CARM1: variants seen among roughly 807,000 people sequenced by gnomAD.
CARM1 encodes the protein coactivator associated arginine methyltransferase 1, also known as histone-arginine methyltransferase CARM1.
CARM1 carries 14 observed loss-of-function variants against 72.7 expected under a neutral mutation model. That is an observed-to-expected ratio of 0.19 (90% CI 0.13 to 0.30). The LOEUF (loss-of-function observed/expected upper bound fraction) is 0.30. Ranked by LOEUF, CARM1 falls within the 10% of genes least tolerant of loss-of-function variation. CARM1 has a pLI of 1.00. For synonymous variants in CARM1, 333 were observed against 345.5 expected, an observed-to-expected ratio of 0.96 and a Z score of 0.40; for missense variants, 432 against 833.7, an observed-to-expected ratio of 0.52 and a Z score of 5.93.
At chr19:10,921,008 C>T (rs756951590) in intron 13 of CARM1, 42 bp from the exon 14 acceptor site, 3 of 1,611,004 alleles carry the variant, frequency 1.9e-6, no homozygotes, top group Non-Finnish European at 2.5e-6. Flanking sequence ...GCAGGCCTGG[C>T]CCCTCTGCCT....
chr19:10,880,472 T>A (rs1170610093), intron 1 of CARM1, among the ~76,000 whole-genome samples: 1 of 151,826 alleles, frequency 6.6e-6, no homozygotes. Flanking sequence ...TCAGCCTCTC[T>A]ACAGGCTGGG....
In CARM1 at chr19:10,873,504, A is replaced by G. The variant is rs1411731023; in HGVS notation, c.220+1582A>G. On this transcript the variant is annotated intron_variant, in intron 1 of 15. Transcript: ENST00000327064. Reference sequence around the variant, plus strand: ...CTCGGGAGGCAGAGGCAGGAGAATCACTTGAACCTGGGAGGCAGAGGTTGC... The same window carrying G: ...CTCGGGAGGCAGAGGCAGGAGAATCGCTTGAACCTGGGAGGCAGAGGTTGC... 2.7e-5 allele frequency among the ~76,000 whole-genome samples: 4 copies of G among 150,090 alleles called. No homozygotes were observed. The East Asian group carries it at 8.0e-4, about 30-fold the overall frequency.
In CARM1 at chr19:10,920,857, C is replaced by T; in HGVS notation, c.1448C>T (p.Pro483Leu). The change falls in exon 13 of 16, where the codon CCC becomes CTC. Residue 483 changes from proline (P) to leucine (L), a missense_variant. Physicochemically the swap from Pro to Leu is moderately conservative, Grantham distance 98 (BLOSUM62 -3). Transcript: ENST00000327064. This position sits in a 1 kb window ranked among gnomAD's most constrained non-coding sequence, Gnocchi z 5.3. ...AGATACACGGGCACAACGCCCTCAC[C>T]CCCACCCGGCTCCCACTACACATCT... The part of the protein sequence containing the change: ...FFRYTGTTPS[P>L]PPGSHYTSPS... The T allele has an allele frequency of 1.9e-6, 3 of 1,614,240 alleles. No homozygotes were observed. Among genetic ancestry groups the T allele is most frequent in the Non-Finnish European group, 2.5e-6 (3 of 1,180,024 alleles).
chr19:10,874,550 C>T (rs2073848499), intron 1 of CARM1, among the ~76,000 whole-genome samples: 1 of 151,778 alleles, frequency 6.6e-6, no homozygotes, highest in Non-Finnish European at 1.5e-5. Flanking sequence ...GTGCCACACC[C>T]AGCTAATCTT....
Position 10,921,882 on chromosome 19 carries a change from T to C in CARM1, c.*125T>C. The C allele has an allele frequency of 1.1e-6, 1 of 950,494 alleles. No homozygotes were observed. Among genetic ancestry groups the C allele is most frequent in the Non-Finnish European group, 1.6e-6 (1 of 639,788 alleles). 58.9% of individuals were successfully genotyped at this position (950,494 alleles called of 1,614,324 possible). Reference sequence around the variant, plus strand: ...CACCCGGTCACAGCTCTCTTTGCTATGGGAACTGGGACACTTTTTTACACG... The same window carrying C: ...CACCCGGTCACAGCTCTCTTTGCTACGGGAACTGGGACACTTTTTTACACG... On this transcript the variant is annotated 3_prime_UTR_variant, in exon 16 of 16. Transcript: ENST00000327064.
At chr19:10,919,785 G>T in intron 9 of CARM1, 92 bp from the exon 10 acceptor site, 1 of 1,487,096 alleles carries the variant, frequency 6.7e-7, no homozygotes, top group Non-Finnish European at 9.3e-7. Flanking sequence ...GATGGTGGGC[G>T]GGGGCCCCAG....
chr19:10,899,499 T>TAGTGAGGC (rs1393048046), intron 1 of CARM1, among the ~76,000 whole-genome samples: 1 of 152,094 alleles, frequency 6.6e-6, no homozygotes, highest in Non-Finnish European at 1.5e-5. Context: ...TCTGTGGGTG[T>TAGTGAGGC]AGTGAGGCTG....
chr19:10,875,790 T>C (rs2073860083), intron 1 of CARM1, among the ~76,000 whole-genome samples: 1 of 151,972 alleles, frequency 6.6e-6, no homozygotes, highest in Admixed American at 6.6e-5. Context: ...TCTAGGATGA[T>C]CTCATCTCAA....
At position 10,871,604 on chromosome 19, in the gene CARM1, G is replaced by GGCGGCGGCGGCGGCGGCGGCGGCGGCT. The variant is rs2073814560; in HGVS notation, c.-73_-72insTGCGGCGGCGGCGGCGGCGGCGGCGGC. The GGCGGCGGCGGCGGCGGCGGCGGCGGCT allele has an allele frequency of 6.3e-5, 7 of 110,586 alleles. No homozygotes were observed. Among genetic ancestry groups the GGCGGCGGCGGCGGCGGCGGCGGCGGCT allele is most frequent in the African/African-American group, 2.3e-4 (7 of 30,406 alleles). 6.9% of individuals were successfully genotyped at this position (110,586 alleles called of 1,614,324 possible). On this transcript the variant is annotated 5_prime_UTR_variant, in exon 1 of 16. Coordinates refer to ENST00000327064, the MANE Select transcript of CARM1 (RefSeq NM_199141.2). This position sits in a 1 kb window ranked among gnomAD's most constrained non-coding sequence, Gnocchi z 5.6. ...CGGTAGCGGCAGCGGCGGCGGCGGC[G>GGCGGCGGCGGCGGCGGCGGCGGCGGCT]GCGGCGGCGGCGGCGGCGGCGGCGG...
intron 1 of CARM1, among the ~76,000 whole-genome samples, chr19:10,889,763 A>G (rs2073967885): frequency 6.6e-6 from 1 of 152,172 alleles, no homozygotes; most frequent in African/African-American, 2.4e-5. Context: ...TTGGGCCAGC[A>G]GAAGAGGTGG....
intron 6 of CARM1, among the ~76,000 whole-genome samples, chr19:10,914,940 C>G (rs1184620603): frequency 1.3e-5 from 2 of 152,180 alleles, no homozygotes; most frequent in African/African-American, 4.8e-5. Context: ...TCTTCTCATG[C>G]TAGGTATGTG....
At chr19:10,889,728 G>A (rs935394001) in intron 1 of CARM1, among the ~76,000 whole-genome samples, 5 of 152,198 alleles carry the variant, frequency 3.3e-5, no homozygotes, top group African/African-American at 9.6e-5. Context: ...TTCCAAGCCC[G>A]GATCCAACCG....
intron 2 of CARM1, among the ~76,000 whole-genome samples, chr19:10,907,069 G>C (rs1395717025): frequency 1.3e-5 from 2 of 150,590 alleles, no homozygotes; most frequent in African/African-American, 4.9e-5. Context: ...ACCACCCCTG[G>C]CTAATTTCTG....
In CARM1 at chr19:10,912,446, G is replaced by T; in HGVS notation, c.669+152G>T. On this transcript the variant is annotated intron_variant, in intron 5 of 15. Transcript: ENST00000327064. The surrounding 1 kb of genome is among the most constrained non-coding windows in gnomAD (Gnocchi z 4.5). ...TTGTCCCCAAGACAGTCATTTCAGG[G>T]AGGGGCTTCAGGGCCTGAGATGATT... is the stretch of plus-strand genomic sequence containing the variant. 1.7e-6 allele frequency: 1 copy of T among 591,346 alleles called. No individual in the cohort carries two copies. The highest frequency in any genetic ancestry group is 3.0e-6 in the Non-Finnish European group (1 of 331,414). The allele number at this position is 591,346 out of a possible 1,614,324, so 36.6% of individuals were successfully genotyped here.
intron 1 of CARM1, among the ~76,000 whole-genome samples, chr19:10,893,847 G>T (rs1272697176): frequency 6.6e-6 from 1 of 152,226 alleles, no homozygotes; most frequent in African/African-American, 2.4e-5. Context: ...TTGAACAGAT[G>T]AGGAAGCCAA....
In CARM1 at chr19:10,921,729, C is replaced by A. The variant is rs536915842; in HGVS notation, c.1799C>A (p.Pro600Gln). The change falls in exon 16 of 16, where the codon CCG (proline) becomes CAG (glutamine). Residue 600 changes from proline to glutamine, a missense_variant. Pro to Gln is a moderately conservative substitution (Grantham distance 76, BLOSUM62 -1). Coordinates refer to ENST00000327064, the MANE Select transcript of CARM1 (RefSeq NM_199141.2). Reference protein sequence around the residue: ...AISMASPMSIPTNTMHYGS With the variant: ...AISMASPMSIQTNTMHYGS Reference sequence around the variant, plus strand: ...TCCATGGCGTCGCCCATGTCCATCCCGACCAACACCATGCACTACGGGAGC... The same window carrying A: ...TCCATGGCGTCGCCCATGTCCATCCAGACCAACACCATGCACTACGGGAGC... 2 of 1,611,788 alleles carry A rather than the reference C, an allele frequency of 1.2e-6. No homozygotes were observed. The highest frequency in any genetic ancestry group is 1.7e-6 in the Non-Finnish European group (2 of 1,178,676).
intron 1 of CARM1, among the ~76,000 whole-genome samples, chr19:10,881,830 G>A (rs932463057): frequency 3.3e-5 from 5 of 152,292 alleles, no homozygotes; most frequent in Admixed American, 6.5e-5. Flanking sequence ...TTCACCAAGC[G>A]TCTGCTGTGC....
Position 10,920,720 on chromosome 19 carries a change from C to T in CARM1, c.1396C>T (p.Leu466Phe). 1 of 1,614,170 alleles carries T rather than the reference C, an allele frequency of 6.2e-7. No individual in the cohort carries two copies. The highest frequency in any genetic ancestry group is 8.5e-7 in the Non-Finnish European group (1 of 1,180,008). The change falls in exon 12 of 16, where the codon CTC (leucine) becomes TTC (phenylalanine). Residue 466 changes from leucine (L) to phenylalanine (F), a missense_variant. Around this residue, in one of 3 missense-constraint regions of CARM1, gnomAD observed 152 missense variants for 452.8 expected, o/e 0.34. Transcript: ENST00000327064. The surrounding 1 kb of genome is among the most constrained non-coding windows in gnomAD (Gnocchi z 5.3). ...VDQTGSKSSNLLDLKNPFFRY... is the reference protein window; with the variant it reads ...VDQTGSKSSNFLDLKNPFFRY... ...CCAGACCGGCTCCAAGTCCAGTAAC[C>T]TCCTGGATCTGAAAAACCCCTTCTT...
chr19:10,890,000 G>A (rs1955546045), intron 1 of CARM1, among the ~76,000 whole-genome samples: 1 of 152,180 alleles, frequency 6.6e-6, no homozygotes, highest in South Asian at 2.1e-4. Context: ...CTTTACAGGT[G>A]GGATGTAAAT....
Sources: allele counts gnomAD v4.1 joint callset (sites outside exome capture counted in the v4.1 genomes callset), GRCh38; gene constraint gnomAD v4.1.1; regional missense constraint gnomAD v4.1.1; non-coding constraint Gnocchi (gnomAD v3.1); transcripts MANE v1.5; gene names NCBI Gene and HGNC (gene_info 2026-07-23, HGNC 2026-07-21).